The following PARN variants were observed in gnomAD, a reference collection of about 807,000 sequenced individuals.
PARN encodes the protein poly(A)-specific ribonuclease PARN.
A neutral mutation model predicts 102.8 loss-of-function variants in PARN; 71 were observed. The observed-to-expected ratio is 0.69, with a 90% CI of 0.57 to 0.84. PARN has a LOEUF of 0.84. PARN is among the 40% of genes least tolerant of loss of function. The pLI is 0.00. For missense variants in PARN, 782 were observed against 760.9 expected, an observed-to-expected ratio of 1.03 and a Z score of -0.33; for synonymous variants, 261 against 252.9, an observed-to-expected ratio of 1.03 and a Z score of -0.30.
rs1962538095 is a variant in PARN, at chr16:14,468,900, T to TAGATAGAC, written c.1670+13737_1670+13738insGTCTATCT. On this transcript the variant is annotated intron_variant, in intron 22 of 23. Coordinates refer to ENST00000437198, the MANE Select transcript of PARN (RefSeq NM_002582.4). ...CTAAATAGATAGATAGATAGATAGA[T>TAGATAGAC]AGATAGATAGATAGATAGATAGATA... is the stretch of plus-strand genomic sequence containing the variant. Among the ~76,000 whole-genome samples the TAGATAGAC allele has an allele frequency of 1.7e-4, 26 of 150,320 alleles. No individual in the cohort carries two copies. In the South Asian group the frequency reaches 5.3e-3, roughly 31 times the overall value.
chr16:14,529,120 G>C (rs1348154864), intron 21 of PARN, among the ~76,000 whole-genome samples: 2 of 152,170 alleles, frequency 1.3e-5, no homozygotes, highest in African/African-American at 4.8e-5. Context: ...CCCTGAGCGA[G>C]TGCCTAACCA....
intron 6 of PARN, among the ~76,000 whole-genome samples, chr16:14,611,636 G>C (rs1053986210): frequency 6.6e-6 from 1 of 152,138 alleles, no homozygotes; most frequent in Non-Finnish European, 1.5e-5. Context: ...TGCCTCCCAG[G>C]TTCAAGCAAT....
chr16:14,566,869 T>C (rs1297578586), intron 18 of PARN, among the ~76,000 whole-genome samples: 2 of 152,230 alleles, frequency 1.3e-5, no homozygotes, highest in Non-Finnish European at 2.9e-5. Context: ...GTAAGGTTTC[T>C]TTAAAAAGCA....
At chr16:14,600,046 T>C in intron 11 of PARN, 86 bp from the exon 12 acceptor site, 1 of 714,944 alleles carries the variant, frequency 1.4e-6, no homozygotes, top group Non-Finnish European at 2.2e-6. Context: ...AAAAAGACAC[T>C]GAAATTTTGT....
At chr16:14,487,769 G>T (rs937324100) in intron 21 of PARN, among the ~76,000 whole-genome samples, 13 of 152,150 alleles carry the variant, frequency 8.5e-5, no homozygotes, top group African/African-American at 3.1e-4. Context: ...TACAAAGAAG[G>T]GGAGGGCATT....
intron 19 of PARN, among the ~76,000 whole-genome samples, chr16:14,554,616 T>A (rs1967544464): frequency 6.6e-6 from 1 of 151,790 alleles, no homozygotes; most frequent in South Asian, 2.1e-4. Context: ...TTTTTTAATT[T>A]TATTTTTGTA....
At chr16:14,444,019 A>G (rs1435584350) in intron 23 of PARN, among the ~76,000 whole-genome samples, 4 of 152,218 alleles carry the variant, frequency 2.6e-5, no homozygotes, top group Non-Finnish European at 5.9e-5. Context: ...AGTTTAATGC[A>G]GACCCTCAAC....
chr16:14,595,661 T>G (rs1970460284), intron 12 of PARN, among the ~76,000 whole-genome samples: 1 of 152,022 alleles, frequency 6.6e-6, no homozygotes, highest in Non-Finnish European at 1.5e-5. Context: ...GCCTCCTGAG[T>G]AGCTGGGATT....
chr16:14,604,802 G>T (rs970410451), intron 10 of PARN, among the ~76,000 whole-genome samples: 20 of 151,948 alleles, frequency 1.3e-4, no homozygotes, highest in Non-Finnish European at 8.8e-5. Context: ...TTGTAGTAGA[G>T]ACAGGGTTTC....
intron 18 of PARN, among the ~76,000 whole-genome samples, chr16:14,561,139 A>T (rs1968031484): frequency 1.3e-5 from 2 of 151,012 alleles, no homozygotes; most frequent in African/African-American, 4.9e-5. Context: ...CCTAAGTGAT[A>T]AGAGCAAAAC....
intron 21 of PARN, among the ~76,000 whole-genome samples, chr16:14,539,447 G>A (rs1966756786): frequency 6.6e-6 from 1 of 152,194 alleles, no homozygotes; most frequent in Non-Finnish European, 1.5e-5. Flanking sequence ...GCTAATTAGG[G>A]AGAGTCCAAG....
chr16:14,554,116 A>C lies in PARN; in HGVS notation c.1354T>G (p.Phe452Val). 3.1e-6 allele frequency: 5 copies of C among 1,613,538 alleles called. No homozygotes were observed. The highest frequency in any genetic ancestry group is 4.2e-6 in the Non-Finnish European group (5 of 1,179,654). Reference sequence around the variant, plus strand: ...TCGCTGGTTTTCCATTCTTTGGGGAATGTCACATGGAGAACATGATCACGT... The same window carrying C: ...TCGCTGGTTTTCCATTCTTTGGGGACTGTCACATGGAGAACATGATCACGT... The part of the protein sequence containing the change: ...PKRDHVLHVT[F>V]PKEWKTSDLY... The change falls in exon 20 of 24, where the codon TTC (phenylalanine) becomes GTC (valine). Residue 452 changes from phenylalanine to valine, a missense_variant. By Grantham distance (50) the Phe-to-Val change is conservative (BLOSUM62 -1). Coordinates refer to ENST00000437198, the MANE Select transcript of PARN (RefSeq NM_002582.4).
chr16:14,576,793 G>A (rs549738127), intron 18 of PARN, among the ~76,000 whole-genome samples: 42 of 152,156 alleles, frequency 2.8e-4, no homozygotes, highest in Non-Finnish European at 5.6e-4. Context: ...AAAGCAAGGA[G>A]GACTATGGGA....
At chr16:14,568,627 T>G (rs1968587119) in intron 18 of PARN, among the ~76,000 whole-genome samples, 1 of 151,794 alleles carries the variant, frequency 6.6e-6, no homozygotes, top group African/African-American at 2.4e-5. Flanking sequence ...TGCCGGGCGC[T>G]GGCAGGGCAC....
chr16:14,521,029 A>G (rs961692522), intron 21 of PARN, among the ~76,000 whole-genome samples: 4 of 152,206 alleles, frequency 2.6e-5, no homozygotes, highest in Non-Finnish European at 5.9e-5. Context: ...TGGTTACACA[A>G]TGCTTTATCC....
intron 6 of PARN, among the ~76,000 whole-genome samples, chr16:14,616,871 A>G (rs1263031466): frequency 6.6e-6 from 1 of 152,142 alleles, no homozygotes; most frequent in African/African-American, 2.4e-5. Context: ...GGAATACAGG[A>G]CATTTCTAAA....
intron 21 of PARN, among the ~76,000 whole-genome samples, chr16:14,541,981 G>C (rs866912636): frequency 3.3e-5 from 5 of 151,828 alleles, no homozygotes; most frequent in Non-Finnish European, 7.4e-5. Context: ...ACAACCCTCA[G>C]ATGATGCAGA....
intron 18 of PARN, chr16:14,558,490 C>G (rs1023476956): frequency 6.6e-6 from 1 of 150,704 alleles, no homozygotes; most frequent in African/African-American, 2.5e-5. Flanking sequence ...GAGCGAGACT[C>G]TGTCTCAAAA....
At chr16:14,598,008 G>A (rs1280387383) in intron 12 of PARN, among the ~76,000 whole-genome samples, 1 of 152,096 alleles carries the variant, frequency 6.6e-6, no homozygotes, top group Admixed American at 6.6e-5. Flanking sequence ...GCCAGGCGTG[G>A]TAGCAGGCAC....
Sources: allele counts gnomAD v4.1 joint callset (sites outside exome capture counted in the v4.1 genomes callset), GRCh38; gene constraint gnomAD v4.1.1; transcripts MANE v1.5; gene names NCBI Gene and HGNC (gene_info 2026-07-23, HGNC 2026-07-21).